ASIC2: variants seen among roughly 807,000 people sequenced by gnomAD.
ASIC2 encodes the protein acid-sensing ion channel 2.
In ASIC2, 25 loss-of-function variants were observed where a neutral mutation model predicts 57.3. The ratio of observed to expected loss-of-function variants is 0.44; its 90% CI spans 0.32 to 0.61. ASIC2 has a LOEUF of 0.61. ASIC2 is among the 20% of genes least tolerant of loss of function. ASIC2 has a pLI of 0.06. For synonymous variants in ASIC2, 319 were observed against 307.5 expected (o/e 1.04, Z -0.39); for missense variants, 641 against 738.1 (o/e 0.87, Z 1.52).
At chr17:33,494,458 TG>T (rs1913862809) in intron 1 of ASIC2, among the ~76,000 whole-genome samples, 1 of 152,172 alleles carries the variant, frequency 6.6e-6, no homozygotes, top group East Asian at 1.9e-4. Context: ...TTCCTCCTCT[TG>T]CAAAAGGAGC....
intron 1 of ASIC2, among the ~76,000 whole-genome samples, chr17:33,483,522 T>C (rs879813788): frequency 2.0e-5 from 3 of 152,200 alleles, no homozygotes; most frequent in Admixed American, 6.5e-5. Context: ...TTTCTCCCCA[T>C]TGTGGGCCGT....
At chr17:33,302,853 G>A (rs1165377248) in intron 1 of ASIC2, among the ~76,000 whole-genome samples, 1 of 152,210 alleles carries the variant, frequency 6.6e-6, no homozygotes, top group Non-Finnish European at 1.5e-5. Context: ...GGGCATCTTG[G>A]AGTGGTTTCT....
chr17:33,432,314 G>C (rs1240786836), intron 1 of ASIC2, among the ~76,000 whole-genome samples: 2 of 152,144 alleles, frequency 1.3e-5, no homozygotes, highest in African/African-American at 4.8e-5. Context: ...TCAGGATTTC[G>C]AGACCAGCCT....
intron 1 of ASIC2, among the ~76,000 whole-genome samples, chr17:33,693,774 AG>A (rs1201330788): frequency 1.8e-4 from 27 of 152,354 alleles, no homozygotes; most frequent in African/African-American, 6.0e-4. Flanking sequence ...GTATAGGTCA[AG>A]GTCAAGGTGA....
intron 1 of ASIC2, among the ~76,000 whole-genome samples, chr17:33,612,483 T>G (rs995394328): frequency 1.3e-5 from 2 of 152,216 alleles, no homozygotes; most frequent in African/African-American, 4.8e-5. Context: ...CTACACATTT[T>G]GTCACATTGA....
intron 1 of ASIC2, chr17:34,147,040 TAAAC>T (rs1912439494): frequency 6.6e-6 from 1 of 152,132 alleles, no homozygotes; most frequent in African/African-American, 2.4e-5. Context: ...TTGTTATAAT[TAAAC>T]AAACAAATAA....
intron 1 of ASIC2, among the ~76,000 whole-genome samples, chr17:33,568,362 C>T (rs1005395375): frequency 3.3e-5 from 5 of 152,186 alleles, no homozygotes; most frequent in Admixed American, 6.5e-5. Flanking sequence ...TTTATATATC[C>T]GCTCATTGGA....
At chr17:34,001,051 T>C (rs1906322590) in intron 1 of ASIC2, 1 of 152,344 alleles carries the variant, frequency 6.6e-6, no homozygotes, top group African/African-American at 2.4e-5. Flanking sequence ...TTATTTTAAA[T>C]TATTTGTCAG....
chr17:33,322,978 G>T (rs1906927520), intron 1 of ASIC2, among the ~76,000 whole-genome samples: 1 of 152,160 alleles, frequency 6.6e-6, no homozygotes, highest in South Asian at 2.1e-4. Context: ...CAAGGGACTG[G>T]AGTATTTGAG....
At chr17:33,465,475 C>A (rs1016896262) in intron 1 of ASIC2, among the ~76,000 whole-genome samples, 2 of 150,662 alleles carry the variant, frequency 1.3e-5, no homozygotes, top group Non-Finnish European at 2.9e-5. Context: ...CGGGTTCAAG[C>A]CGATTCTCCT....
At chr17:33,825,241 G>A (rs1387682243) in intron 1 of ASIC2, among the ~76,000 whole-genome samples, 2 of 152,188 alleles carry the variant, frequency 1.3e-5, no homozygotes, top group African/African-American at 4.8e-5. Context: ...TGTCTCTAGA[G>A]GCAGCAAGGT....
At chr17:33,799,845 T>C (rs1215141985) in intron 1 of ASIC2, among the ~76,000 whole-genome samples, 2 of 152,082 alleles carry the variant, frequency 1.3e-5, no homozygotes, top group East Asian at 3.8e-4. Flanking sequence ...CTCCCTAAGG[T>C]TGGGCAGTAT....
intron 1 of ASIC2, among the ~76,000 whole-genome samples, chr17:33,610,011 T>G (rs1005920917): frequency 6.6e-6 from 1 of 150,814 alleles, no homozygotes; most frequent in Admixed American, 6.6e-5. Context: ...AGATGGAGCT[T>G]GTGCACCCAC....
At chr17:33,589,229 A>G (rs1160917428) in intron 1 of ASIC2, among the ~76,000 whole-genome samples, 1 of 152,254 alleles carries the variant, frequency 6.6e-6, no homozygotes, top group East Asian at 1.9e-4. Context: ...GAACATTAAC[A>G]GCACGAGTAC....
chr17:33,066,276 G>T (rs1056187983), intron 3 of ASIC2, among the ~76,000 whole-genome samples: 1 of 152,190 alleles, frequency 6.6e-6, no homozygotes, highest in Non-Finnish European at 1.5e-5. Context: ...TTTAAAAACT[G>T]TGATACCTGG....
At position 33,244,735 on chromosome 17, in the gene ASIC2, C is replaced by T. The variant is rs568331105; in HGVS notation, c.708+46673G>A. Among the ~76,000 whole-genome samples, 44 of 152,350 alleles carry T rather than the reference C, an allele frequency of 2.9e-4. No individual in the cohort carries two copies. The South Asian group carries it at 7.7e-3, about 27-fold the overall frequency. The stretch of plus-strand genomic sequence containing the variant: ...GGGTCTTGTGCTTTCAACACACAGC[C>T]TTCAGCATTGAGGACAAGGCGTGGT... On this transcript the variant is annotated intron_variant, in intron 1 of 9. Transcript: ENST00000225823.
chr17:33,905,766 C>A (rs1016503014), intron 1 of ASIC2, among the ~76,000 whole-genome samples: 1 of 152,064 alleles, frequency 6.6e-6, no homozygotes, highest in African/African-American at 2.4e-5. Flanking sequence ...GAGAGAATGA[C>A]CAGGGACAGG....
At chr17:33,509,219 C>A (rs1016660267) in intron 1 of ASIC2, among the ~76,000 whole-genome samples, 3 of 152,152 alleles carry the variant, frequency 2.0e-5, no homozygotes, top group African/African-American at 7.2e-5. Flanking sequence ...TCAGATCACA[C>A]CTGCCTAGAA....
intron 1 of ASIC2, among the ~76,000 whole-genome samples, chr17:33,185,361 A>G (rs145226228): frequency 2.0e-5 from 3 of 152,174 alleles, no homozygotes; most frequent in African/African-American, 7.2e-5. Flanking sequence ...TTCTGGCTAC[A>G]CATAATGGAA....
Sources: allele counts gnomAD v4.1 joint callset (sites outside exome capture counted in the v4.1 genomes callset), GRCh38; gene constraint gnomAD v4.1.1; transcripts MANE v1.5; gene names NCBI Gene and HGNC (gene_info 2026-07-23, HGNC 2026-07-21).